Variants in PROX1 observed in about 807,000 individuals in gnomAD.
PROX1 encodes the protein prospero homeobox protein 1.
Under a neutral mutation model 58.8 loss-of-function variants are expected in PROX1, and 7 were observed. That is an observed-to-expected ratio of 0.12 (90% CI 0.07 to 0.22). The LOEUF is 0.22. Among genes scored for constraint, PROX1 ranks in the 10% least tolerant of loss-of-function variants. PROX1 has a pLI of 1.00. For missense variants in PROX1, 675 were observed against 927.8 expected (o/e 0.73, Z 3.54); for synonymous variants, 350 against 358.3 (o/e 0.98, Z 0.26).
At position 213,997,617 on chromosome 1, in the gene PROX1, C is replaced by T. The variant is rs374118696; in HGVS notation, c.1082C>T (p.Ser361Leu). ...AAACAGGAACTGAACACTGCCATGT[C>T]GCAAGTTGTGGACACTGTGGTCAAA... ...TLKQELNTAM[S>L]QVVDTVVKVF... Residue 361 changes from serine (S) to leucine (L), a missense_variant, in exon 2 of 5, where the codon TCG becomes TTG. Coordinates refer to ENST00000366958, the MANE Select transcript of PROX1 (RefSeq NM_001270616.2). The surrounding 1 kb of genome is among the most constrained non-coding windows in gnomAD (Gnocchi z 7.1). The T allele has an allele frequency of 1.2e-6, 2 of 1,614,058 alleles. No individual in the cohort carries two copies. Among genetic ancestry groups the T allele is most frequent in the African/African-American group, 2.7e-5 (2 of 74,920 alleles).
intron 4 of PROX1, among the ~76,000 whole-genome samples, chr1:214,033,955 A>G (rs1024194267): frequency 1.4e-4 from 22 of 152,218 alleles, no homozygotes; most frequent in African/African-American, 5.3e-4. Flanking sequence ...GGGTTTGCAC[A>G]TTCATGGCGG....
chr1:213,990,899 G>A (rs928019785), intron 1 of PROX1, among the ~76,000 whole-genome samples: 2 of 152,140 alleles, frequency 1.3e-5, no homozygotes, highest in Admixed American at 1.3e-4. Flanking sequence ...GAATGAGCCT[G>A]TCATTGTCCC....
intron 4 of PROX1, chr1:214,029,093 C>T (rs1390945624): frequency 1.3e-5 from 2 of 152,172 alleles, no homozygotes; most frequent in East Asian, 1.9e-4. Context: ...TCTCCTTGAT[C>T]GATATTTACT....
rs1399774207 is a variant in PROX1, at chr1:214,035,945, T to C, written c.*111T>C. The stretch of plus-strand genomic sequence containing the variant: ...TATATATGTGTATGGGAGGCATGGA[T>C]ATGTTATGAAATCAGCTGGTAATTC... On this transcript the variant is annotated 3_prime_UTR_variant, in exon 5 of 5. Coordinates refer to ENST00000366958, the MANE Select transcript of PROX1 (RefSeq NM_001270616.2). The C allele has an allele frequency of 1.1e-6, 1 of 911,942 alleles. No homozygotes were observed. The highest frequency in any genetic ancestry group is 1.7e-5 in the African/African-American group (1 of 58,172). The allele number at this position is 911,942 out of a possible 1,614,324, so 56.5% of individuals were successfully genotyped here. A position where few individuals can be genotyped will look rare whatever the true frequency, so the allele number is the denominator to read the frequency against.
intron 4 of PROX1, chr1:214,028,769 T>G (rs1478682421): frequency 3.9e-5 from 6 of 152,242 alleles, no homozygotes; most frequent in Non-Finnish European, 8.8e-5. Context: ...GCACCATTCC[T>G]TCTCTTCTGG....
rs368745894 is a variant in PROX1 at position 214,035,870 on chromosome 1, A to G, written c.*36A>G. On this transcript the variant is annotated 3_prime_UTR_variant, in exon 5 of 5. Coordinates refer to ENST00000366958, the MANE Select transcript of PROX1 (RefSeq NM_001270616.2). Reference sequence around the variant, plus strand: ...AACTCTTTTTGAATGTATGAAGAGTAGCAGTCCCCTTTGGATGTCCAAGTT... The same window carrying G: ...AACTCTTTTTGAATGTATGAAGAGTGGCAGTCCCCTTTGGATGTCCAAGTT... The G allele has an allele frequency of 1.3e-6, 2 of 1,566,686 alleles. No individual in the cohort carries two copies. The highest frequency in any genetic ancestry group is 1.7e-6 in the Non-Finnish European group (2 of 1,150,402).
chr1:214,006,617 C>T (rs575131420), intron 3 of PROX1, among the ~76,000 whole-genome samples: 3 of 152,236 alleles, frequency 2.0e-5, no homozygotes, highest in Admixed American at 6.5e-5. Flanking sequence ...ATCTAGAATA[C>T]ACAAATTGAA....
intron 1 of PROX1, among the ~76,000 whole-genome samples, chr1:213,989,970 G>A (rs1256880427): frequency 6.6e-6 from 1 of 151,848 alleles, no homozygotes; most frequent in Non-Finnish European, 1.5e-5. Flanking sequence ...TCTGCCTGGG[G>A]GAAGGCTGGA....
chr1:213,998,331 A>C, intron 2 of PROX1, 71 bp downstream of exon 2: 1 of 1,472,660 alleles, frequency 6.8e-7, no homozygotes, highest in Non-Finnish European at 9.1e-7. Flanking sequence ...GGTTTACACA[A>C]TATCTAGAGT....
At chr1:214,003,448 G>A (rs1231743455) in intron 2 of PROX1, among the ~76,000 whole-genome samples, 1 of 152,148 alleles carries the variant, frequency 6.6e-6, no homozygotes, top group African/African-American at 2.4e-5. Context: ...TTAGTCTTCT[G>A]TATCAGTCTA....
chr1:214,012,748 T>A (rs1021341446), intron 4 of PROX1, among the ~76,000 whole-genome samples: 1 of 152,182 alleles, frequency 6.6e-6, no homozygotes, highest in Non-Finnish European at 1.5e-5. Context: ...ATCTTGAGGG[T>A]AGGAATTTTT....
intron 2 of PROX1, among the ~76,000 whole-genome samples, chr1:214,000,225 A>C (rs1423219573): frequency 1.3e-5 from 2 of 152,220 alleles, no homozygotes; most frequent in Non-Finnish European, 2.9e-5. Context: ...CATTATAACC[A>C]GATCATTATA....
intron 4 of PROX1, among the ~76,000 whole-genome samples, chr1:214,025,615 ACTCT>A (rs1320317050): frequency 6.7e-6 from 1 of 150,324 alleles, no homozygotes; most frequent in Non-Finnish European, 1.5e-5. Flanking sequence ...TGGGACATGA[ACTCT>A]CTGAGATTCC....
At chr1:214,019,926 C>T (rs1664224735) in intron 4 of PROX1, among the ~76,000 whole-genome samples, 1 of 152,154 alleles carries the variant, frequency 6.6e-6, no homozygotes, top group Admixed American at 6.5e-5. Flanking sequence ...CTTCTGAACT[C>T]CAGATGTCCC....
Position 214,040,812 on chromosome 1 carries a change from A to G in PROX1, c.*4978A>G, listed in dbSNP as rs1436855105. ...CAATTGTGAATTTTTGTTGTTGTCT[A>G]TTGTTCTGAAGACTTTGCATAATTT... On this transcript the variant is annotated 3_prime_UTR_variant, in exon 5 of 5. Coordinates refer to ENST00000366958, the MANE Select transcript of PROX1 (RefSeq NM_001270616.2). 6.6e-6 allele frequency: 1 copy of G among 151,938 alleles called. No homozygotes were observed. 9.4% of individuals were successfully genotyped at this position (151,938 alleles called of 1,614,324 possible). A position where few individuals can be genotyped will look rare whatever the true frequency, so the allele number is the denominator to read the frequency against.
rs1389018045 is a variant in PROX1, at chr1:214,040,440, T to G, written c.*4606T>G. Reference sequence around the variant, plus strand: ...TGTGAAAACGTATTCATTCTGTATTTTTTTAAATATTCAATTCCCCTAAAA... The same window carrying G: ...TGTGAAAACGTATTCATTCTGTATTGTTTTAAATATTCAATTCCCCTAAAA... On this transcript the variant is annotated 3_prime_UTR_variant, in exon 5 of 5. Coordinates refer to ENST00000366958, the MANE Select transcript of PROX1 (RefSeq NM_001270616.2). 2.0e-5 allele frequency: 3 copies of G among 152,206 alleles called. No individual in the cohort carries two copies. The highest frequency in any genetic ancestry group is 3.8e-4 in the East Asian group (2 of 5,202). The allele number at this position is 152,206 out of a possible 1,614,324, so 9.4% of individuals were successfully genotyped here. A position where few individuals can be genotyped will look rare whatever the true frequency, so the allele number is the denominator to read the frequency against.
Position 214,039,186 on chromosome 1 carries a change from GT to G in PROX1, c.*3356del, listed in dbSNP as rs1234617175. 7 of 152,054 alleles carry G rather than the reference GT, an allele frequency of 4.6e-5. No individual in the cohort carries two copies. The highest frequency in any genetic ancestry group is 2.0e-4 in the Admixed American group (3 of 15,270). 9.4% of individuals were successfully genotyped at this position (152,054 alleles called of 1,614,324 possible). A position where few individuals can be genotyped will look rare whatever the true frequency, so the allele number is the denominator to read the frequency against. On this transcript the variant is annotated 3_prime_UTR_variant, in exon 5 of 5. Transcript: ENST00000366958. The stretch of plus-strand genomic sequence containing the variant: ...AGAACCTATTTTAGACATTTGTTAT[GT>G]TTTGTGAAAAGAATGTTCTATTTGC...
chr1:213,987,721 GGGCCGGGGATGGA>G (rs1233117497), upstream of PROX1: 4 of 135,388 alleles, frequency 3.0e-5, no homozygotes, highest in African/African-American at 1.1e-4. Flanking sequence ...GTGGGGGTGG[GGGCCGGGGATGGA>G]GGCCGGGGAG....
In PROX1 at chr1:213,997,192, G is replaced by C. The variant is rs745362864; in HGVS notation, c.657G>C (p.Gln219His). ...RKQKLPQQQQ[Q>H]SFQQLVSARK... ...AAAAGCTTCCCCAGCAGCAGCAACA[G>C]AGTTTCCAGCAGCTGGTTTCAGCCC... Residue 219 changes from glutamine to histidine, a missense_variant, in exon 2 of 5, where the codon CAG (glutamine) becomes CAC (histidine). Around this residue, in one of 8 missense-constraint regions of PROX1, gnomAD observed 403 missense variants for 477.4 expected, o/e 0.84. Transcript: ENST00000366958. This position sits in a 1 kb window ranked among gnomAD's most constrained non-coding sequence, Gnocchi z 7.1. 2.5e-6 allele frequency: 4 copies of C among 1,613,290 alleles called. No individual in the cohort carries two copies. Among genetic ancestry groups the C allele is most frequent in the Non-Finnish European group, 3.4e-6 (4 of 1,179,862 alleles).
Sources: gnomAD v4.1 joint callset for allele counts (sites outside exome capture counted in the v4.1 genomes callset) on GRCh38, gnomAD v4.1.1 for gene constraint, gnomAD v4.1.1 regional missense constraint, Gnocchi (gnomAD v3.1) non-coding constraint, MANE v1.5 for transcripts, NCBI Gene and HGNC (gene_info 2026-07-23, HGNC 2026-07-21) for gene names.